ATF7IP: variants seen among roughly 807,000 people sequenced by gnomAD.
ATF7IP encodes activating transcription factor 7-interacting protein 1.
In ATF7IP, 23 loss-of-function variants were observed where a neutral mutation model predicts 106.4. That is an observed-to-expected ratio of 0.22 (90% CI 0.16 to 0.31). ATF7IP has a LOEUF of 0.31. Ranked by LOEUF, ATF7IP falls within the 10% of genes least tolerant of loss-of-function variation. The pLI is 1.00. For synonymous variants in ATF7IP, 542 were observed against 539.0 expected (o/e 1.01, Z -0.08); for missense variants, 1,334 against 1,524.3 (o/e 0.88, Z 2.08).
intron 6 of ATF7IP, among the ~76,000 whole-genome samples, chr12:14,454,170 A>T (rs1422553584): frequency 6.6e-6 from 1 of 152,050 alleles, no homozygotes; most frequent in Non-Finnish European, 1.5e-5. Flanking sequence ...GGCCTCTAAC[A>T]CCTTTTTTTG....
At chr12:14,494,256 G>C (rs1944921836) in intron 13 of ATF7IP, among the ~76,000 whole-genome samples, 1 of 130,832 alleles carries the variant, frequency 7.6e-6, no homozygotes, top group South Asian at 2.4e-4. Context: ...ATCTGAATTA[G>C]GGTTCTCTAG....
chr12:14,411,912 GTT>G (rs1021092540), intron 1 of ATF7IP, among the ~76,000 whole-genome samples: 7 of 151,576 alleles, frequency 4.6e-5, no homozygotes, highest in African/African-American at 1.7e-4. Context: ...TAAGATTTTA[GTT>G]TTAGCTCTTA....
At chr12:14,479,589 G>C (rs1291365357) in intron 12 of ATF7IP, among the ~76,000 whole-genome samples, 2 of 152,192 alleles carry the variant, frequency 1.3e-5, no homozygotes, top group South Asian at 2.1e-4. Context: ...TAGTGATTTA[G>C]CAAACTATTT....
At chr12:14,454,156 T>C (rs1296493271) in intron 6 of ATF7IP, among the ~76,000 whole-genome samples, 1 of 152,182 alleles carries the variant, frequency 6.6e-6, no homozygotes, top group African/African-American at 2.4e-5. Flanking sequence ...TTAGAGAGTC[T>C]GTGGGCCTCT....
At chr12:14,438,561 T>G (rs1942532483) in intron 5 of ATF7IP, among the ~76,000 whole-genome samples, 1 of 152,208 alleles carries the variant, frequency 6.6e-6, no homozygotes, top group South Asian at 2.1e-4. Flanking sequence ...GTTCTATGCC[T>G]TTACTGTAGC....
At chr12:14,491,564 T>C (rs555390504) in intron 13 of ATF7IP, among the ~76,000 whole-genome samples, 2 of 152,200 alleles carry the variant, frequency 1.3e-5, no homozygotes, top group African/African-American at 4.8e-5. Flanking sequence ...GTGTGGTATC[T>C]TGCAGGAGCA....
Position 14,368,464 on chromosome 12 carries a change from C to T in ATF7IP, c.-8+2637C>T, listed in dbSNP as rs891640136. 1.1e-4 allele frequency among the ~76,000 whole-genome samples: 16 copies of T among 152,138 alleles called. No individual in the cohort carries two copies. The South Asian group carries it at 2.9e-3, about 28-fold the overall frequency. On this transcript the variant is annotated intron_variant, in intron 1 of 14. Coordinates refer to ENST00000261168, the MANE Select transcript of ATF7IP (RefSeq NM_018179.5). Reference sequence around the variant, plus strand: ...GAAGAATTTACTGTGATTTATTAAACCTTTCATTTTTTGTTTCCTGTTTTG... The same window carrying T: ...GAAGAATTTACTGTGATTTATTAAATCTTTCATTTTTTGTTTCCTGTTTTG...
intron 3 of ATF7IP, 144 bp downstream of exon 3, chr12:14,434,567 T>C: frequency 1.7e-6 from 1 of 592,892 alleles, no homozygotes; most frequent in Non-Finnish European, 3.0e-6. Flanking sequence ...TGTTGATGGC[T>C]AACTGAAGGA....
At chr12:14,421,597 T>G (rs573527308) in intron 1 of ATF7IP, among the ~76,000 whole-genome samples, 1 of 152,348 alleles carries the variant, frequency 6.6e-6, no homozygotes, top group African/African-American at 2.4e-5. Flanking sequence ...TTGTATTGGA[T>G]TAGGGCTCAC....
intron 6 of ATF7IP, among the ~76,000 whole-genome samples, chr12:14,453,840 C>T (rs1943306061): frequency 6.6e-6 from 1 of 152,030 alleles, no homozygotes; most frequent in Non-Finnish European, 1.5e-5. Context: ...GGCTAGGCTG[C>T]TCTTGAACTC....
intron 10 of ATF7IP, among the ~76,000 whole-genome samples, chr12:14,474,252 C>T (rs574280921): frequency 6.6e-6 from 1 of 151,670 alleles, no homozygotes; most frequent in Non-Finnish European, 1.5e-5. Context: ...GTTTTTCCTG[C>T]CCCCTCCAAT....
intron 1 of ATF7IP, among the ~76,000 whole-genome samples, chr12:14,406,455 G>T (rs1227121115): frequency 6.6e-6 from 1 of 152,016 alleles, no homozygotes; most frequent in Non-Finnish European, 1.5e-5. Flanking sequence ...TTCACTAGTT[G>T]TGACTCATAG....
At chr12:14,399,551 A>G (rs2136458275) in intron 1 of ATF7IP, among the ~76,000 whole-genome samples, 1 of 151,672 alleles carries the variant, frequency 6.6e-6, no homozygotes, top group East Asian at 1.9e-4. Flanking sequence ...ATTATTGGAA[A>G]ACTTGTATAT....
At chr12:14,384,961 G>T in intron 1 of ATF7IP, 1 of 147,926 alleles carries the variant, frequency 6.8e-6, no homozygotes, top group Non-Finnish European at 1.4e-5. Context: ...CGAATTCCCT[G>T]ATGTTTGCTC....
At chr12:14,434,502 C>A in intron 3 of ATF7IP, 79 bp downstream of exon 3, 1 of 944,842 alleles carries the variant, frequency 1.1e-6, no homozygotes, top group South Asian at 1.6e-5. Flanking sequence ...GTGTAATATT[C>A]TTTTTTGCCC....
At chr12:14,494,953 AAAG>A (rs1214675471) in intron 13 of ATF7IP, among the ~76,000 whole-genome samples, 10 of 151,206 alleles carry the variant, frequency 6.6e-5, no homozygotes, top group Admixed American at 1.3e-4. Flanking sequence ...AAAAAAAAAA[AAAG>A]ATCCCACAGT....
intron 1 of ATF7IP, among the ~76,000 whole-genome samples, chr12:14,407,399 C>T (rs1200225292): frequency 4.0e-5 from 6 of 149,984 alleles, no homozygotes; most frequent in African/African-American, 1.5e-4. Context: ...ATTTATTTAT[C>T]TATTTATTTT....
chr12:14,385,476 T>G (rs1187165089), intron 1 of ATF7IP: 1 of 1,335,534 alleles, frequency 7.5e-7, no homozygotes. Flanking sequence ...CTGAGTTTAC[T>G]TAGAGGGGTG....
Position 14,461,764 on chromosome 12 carries a change from TAGAA to T in ATF7IP, c.2797+635_2797+638del, listed in dbSNP as rs1049526617. On this transcript the variant is annotated intron_variant, in intron 9 of 14. Coordinates refer to ENST00000261168, the MANE Select transcript of ATF7IP (RefSeq NM_018179.5). ...CCAAACTCTGTGTCTTCCTAGTTCC[TAGAA>T]AGAGTTTGTTTTGTATGCATTCTTG... Among the ~76,000 whole-genome samples the T allele has an allele frequency of 2.6e-5, 4 of 152,154 alleles. 1 individual carries two copies. The highest frequency in any genetic ancestry group is 1.3e-4 in the Admixed American group (2 of 15,284).
Sources: gnomAD v4.1 joint callset for allele counts (sites outside exome capture counted in the v4.1 genomes callset) on GRCh38, gnomAD v4.1.1 for gene constraint, MANE v1.5 for transcripts, NCBI Gene and HGNC (gene_info 2026-07-23, HGNC 2026-07-21) for gene names.